Variants in RNF130 observed in about 807,000 individuals in gnomAD.
RNF130 encodes the protein E3 ubiquitin-protein ligase RNF130.
RNF130 carries 21 observed loss-of-function variants against 44.6 expected under a neutral mutation model. The ratio of observed to expected loss-of-function variants is 0.47; its 90% CI spans 0.33 to 0.68. The LOEUF (loss-of-function observed/expected upper bound fraction) is 0.68. Ranked by LOEUF, RNF130 falls within the 30% of genes least tolerant of loss-of-function variation. The pLI is 0.02. For synonymous variants in RNF130, 214 were observed against 210.4 expected, an observed-to-expected ratio of 1.02 and a Z score of -0.15; for missense variants, 479 against 560.6, an observed-to-expected ratio of 0.85 and a Z score of 1.47.
chr5:180,041,479 T>G (rs140376768), intron 1 of RNF130, among the ~76,000 whole-genome samples: 107 of 152,324 alleles, frequency 7.0e-4, no homozygotes, highest in African/African-American at 2.5e-3. Context: ...CGCCTCAATT[T>G]TTCACTCTGC....
At position 179,955,390 on chromosome 5, in the gene RNF130, C is replaced by G. The variant is rs1362633775; in HGVS notation, c.*264G>C. The G allele has an allele frequency of 2.5e-6, 1 of 395,266 alleles. No individual in the cohort carries two copies. Among genetic ancestry groups the G allele is most frequent in the East Asian group, 3.9e-5 (1 of 25,680 alleles). The allele number at this position is 395,266 out of a possible 1,614,324, so 24.5% of individuals were successfully genotyped here. A position where few individuals can be genotyped will look rare whatever the true frequency, so the allele number is the denominator to read the frequency against. On this transcript the variant is annotated 3_prime_UTR_variant, in exon 9 of 9. Coordinates refer to ENST00000521389, the MANE Select transcript of RNF130 (RefSeq NM_018434.6). ...CGGGAGCCAGGAGCACATTCTGTCT[C>G]TGAAACACAAACAAATGCAATCTGG...
At chr5:180,023,917 T>A (rs1258607551) in intron 2 of RNF130, among the ~76,000 whole-genome samples, 1 of 152,210 alleles carries the variant, frequency 6.6e-6, no homozygotes, top group Non-Finnish European at 1.5e-5. Flanking sequence ...TGACAGACAC[T>A]ACCTCAGCCA....
rs191300592 is a variant in RNF130 at position 180,054,768 on chromosome 5, T to A, written c.248-14121A>T. Among the ~76,000 whole-genome samples, 750 of 152,328 alleles carry A rather than the reference T, an allele frequency of 4.9e-3. 2 individuals carry two copies. Among genetic ancestry groups the A allele is most frequent in the Non-Finnish European group, 6.7e-3 (459 of 68,030 alleles). ...TCACAGGATGGTCTGAATGTGTAGGTCAATTTGGAGGGCACAGGTACCTTA... is the reference window on the plus strand; with the variant it reads ...TCACAGGATGGTCTGAATGTGTAGGACAATTTGGAGGGCACAGGTACCTTA... On this transcript the variant is annotated intron_variant, in intron 1 of 8. Coordinates refer to ENST00000521389, the MANE Select transcript of RNF130 (RefSeq NM_018434.6).
chr5:179,944,967 AT>A (rs1762016439), intron 7 of RNF130, among the ~76,000 whole-genome samples: 1 of 152,142 alleles, frequency 6.6e-6, no homozygotes, highest in African/African-American at 2.4e-5. Flanking sequence ...GCTTAATGGT[AT>A]CTGCACCTGT....
intron 3 of RNF130, among the ~76,000 whole-genome samples, chr5:179,998,859 T>A (rs1697036): frequency 0.22 from 18,490 of 85,796 alleles, 3,266 homozygotes; most frequent in Non-Finnish European, 0.27. Context: ...CTAGTATTTT[T>A]TATATATATA....
intron 2 of RNF130, among the ~76,000 whole-genome samples, chr5:180,025,758 T>A (rs1763970379): frequency 1.3e-5 from 2 of 152,160 alleles, no homozygotes; most frequent in African/African-American, 4.8e-5. Flanking sequence ...AATTCCAAGC[T>A]CCATCTTTTC....
At chr5:180,000,228 T>C (rs1235916981) in intron 3 of RNF130, among the ~76,000 whole-genome samples, 1 of 152,224 alleles carries the variant, frequency 6.6e-6, no homozygotes, top group Non-Finnish European at 1.5e-5. Flanking sequence ...AATTCTATCA[T>C]TCCATTCTCT....
At chr5:179,920,210 T>C (rs1761607520) in exon 8 of RNF130, 1 of 617,342 alleles carries the variant, frequency 1.6e-6, no homozygotes, top group Admixed American at 2.5e-5. Context: ...TGGAAAGTGC[T>C]GCCATTCTTC....
intron 1 of RNF130, among the ~76,000 whole-genome samples, chr5:180,052,334 T>C (rs946479213): frequency 2.6e-5 from 4 of 152,230 alleles, no homozygotes; most frequent in South Asian, 2.1e-4. Flanking sequence ...CTTTCCAGTG[T>C]AGAGTTCTGG....
At chr5:179,936,624 C>T (rs867587369) in intron 7 of RNF130, among the ~76,000 whole-genome samples, 9 of 152,096 alleles carry the variant, frequency 5.9e-5, no homozygotes, top group African/African-American at 2.2e-4. Context: ...GTCAAGATAC[C>T]AACCGTTAGC....
chr5:180,011,898 T>A (rs1018422708), intron 3 of RNF130, among the ~76,000 whole-genome samples: 1 of 152,146 alleles, frequency 6.6e-6, no homozygotes, highest in Non-Finnish European at 1.5e-5. Context: ...TTGTTAAGTC[T>A]AAAATTACAA....
chr5:179,957,830 C>T (rs377721918), intron 8 of RNF130, among the ~76,000 whole-genome samples: 3 of 152,140 alleles, frequency 2.0e-5, no homozygotes, highest in Non-Finnish European at 2.9e-5. Flanking sequence ...TGTTACAAGA[C>T]GGGCTGTGTG....
At chr5:180,028,540 T>C (rs1764045715) in intron 2 of RNF130, among the ~76,000 whole-genome samples, 1 of 127,090 alleles carries the variant, frequency 7.9e-6, no homozygotes, top group Non-Finnish European at 1.7e-5. Context: ...GCCTCCTACA[T>C]GAAGTCTTCC....
At chr5:180,033,249 T>C (rs945543577) in intron 2 of RNF130, among the ~76,000 whole-genome samples, 1 of 152,344 alleles carries the variant, frequency 6.6e-6, no homozygotes, top group South Asian at 2.1e-4. Flanking sequence ...CCCAAAGTGT[T>C]GGGATTACAG....
chr5:179,938,581 CT>C (rs1017553054), intron 7 of RNF130, among the ~76,000 whole-genome samples: 9 of 152,206 alleles, frequency 5.9e-5, no homozygotes, highest in African/African-American at 2.2e-4. Context: ...CATTTCTCTT[CT>C]TTTTTTAGGC....
chr5:180,042,852 C>T (rs960258559), intron 1 of RNF130, among the ~76,000 whole-genome samples: 1 of 152,204 alleles, frequency 6.6e-6, no homozygotes, highest in Non-Finnish European at 1.5e-5. Flanking sequence ...TAGTAAAAAG[C>T]AAACAACATA....
intron 1 of RNF130, among the ~76,000 whole-genome samples, chr5:180,047,572 C>T (rs1411470361): frequency 6.6e-6 from 1 of 152,070 alleles, no homozygotes; most frequent in Non-Finnish European, 1.5e-5. Flanking sequence ...TGGTGAAACC[C>T]TGTCTCTATT....
chr5:179,963,408 C>T, intron 8 of RNF130, 63 bp downstream of exon 8: 2 of 1,305,888 alleles, frequency 1.5e-6, no homozygotes, highest in Non-Finnish European at 2.2e-6. Flanking sequence ...TTCATGAAAA[C>T]TGCTCCATGT....
intron 3 of RNF130, among the ~76,000 whole-genome samples, chr5:180,000,659 T>A (rs1052859590): frequency 6.6e-6 from 1 of 152,380 alleles, no homozygotes; most frequent in African/African-American, 2.4e-5. Context: ...CTTTCTTACA[T>A]ATGATCAAGT....
Sources: allele counts gnomAD v4.1 joint callset (sites outside exome capture counted in the v4.1 genomes callset), GRCh38; gene constraint gnomAD v4.1.1; transcripts MANE v1.5; gene names NCBI Gene and HGNC (gene_info 2026-07-23, HGNC 2026-07-21).